SLC25A53: variants seen among roughly 807,000 people sequenced by gnomAD.
SLC25A53 encodes the protein mitochondrial carrier triple repeat protein 6.
Under a neutral mutation model 15.0 loss-of-function variants are expected in SLC25A53, and 5 were observed. The observed-to-expected ratio is 0.33, with a 90% CI of 0.17 to 0.70. SLC25A53 has a LOEUF of 0.70. Ranked by LOEUF, SLC25A53 falls within the 30% of genes least tolerant of loss-of-function variation. SLC25A53 has a pLI of 0.67. For synonymous variants in SLC25A53, 95 were observed against 100.0 expected (o/e 0.95, Z 0.30); for missense variants, 216 against 241.6 (o/e 0.89, Z 0.70).
intron 1 of SLC25A53, among the ~76,000 whole-genome samples, chrX:104,136,922 TTAAACATG>T (rs2075438065): frequency 8.9e-6 from 1 of 111,914 alleles, no homozygotes; most frequent in Non-Finnish European, 1.9e-5. Context: ...ATGTAAAGAA[TTAAACATG>T]TACACAGAGA....
At chrX:104,145,775 T>C (rs944127802) in intron 1 of SLC25A53, among the ~76,000 whole-genome samples, 23 of 112,064 alleles carry the variant, frequency 2.1e-4, no homozygotes, top group African/African-American at 5.8e-4. Flanking sequence ...GTAGAATCTC[T>C]GAATAGACCA....
chrX:104,143,725 A>G (rs1218239074), intron 1 of SLC25A53, among the ~76,000 whole-genome samples: 2 of 111,922 alleles, frequency 1.8e-5, no homozygotes, highest in African/African-American at 3.2e-5. Flanking sequence ...AAGGCAGGCC[A>G]ACATTCAAAT....
At chrX:104,145,043 T>C (rs782400775) in intron 1 of SLC25A53, among the ~76,000 whole-genome samples, 9 of 112,024 alleles carry the variant, frequency 8.0e-5, no homozygotes, top group South Asian at 3.7e-4. Flanking sequence ...TATTCTAAGA[T>C]TGACCACATA....
At chrX:104,115,494 CCT>C (rs1239877197) in intron 1 of SLC25A53, 11 of 450,969 alleles carry the variant, frequency 2.4e-5, no homozygotes, top group Non-Finnish European at 3.4e-5. Flanking sequence ...AATGGTGTGA[CCT>C]CTGTCCCTGC....
chrX:104,150,224 C>T (rs2075480841), intron 1 of SLC25A53, among the ~76,000 whole-genome samples: 1 of 103,287 alleles, frequency 9.7e-6, no homozygotes, highest in African/African-American at 3.6e-5. Flanking sequence ...CAGAGCAAGA[C>T]TCTGTCTCAA....
At chrX:104,142,142 G>A (rs1280382853) in intron 1 of SLC25A53, among the ~76,000 whole-genome samples, 1 of 111,119 alleles carries the variant, frequency 9.0e-6, no homozygotes, top group African/African-American at 3.3e-5. Flanking sequence ...CTATTTGGGA[G>A]GCTGAGGTGG....
At chrX:104,135,893 C>T (rs1473169712) in intron 1 of SLC25A53, among the ~76,000 whole-genome samples, 1 of 111,836 alleles carries the variant, frequency 8.9e-6, no homozygotes, top group East Asian at 2.8e-4. Context: ...TAAATAACCA[C>T]TAATAACATG....
At position 104,104,753 on chromosome X, in the gene SLC25A53, G is replaced by T. The variant is rs782046940; in HGVS notation, c.505C>A (p.Arg169=). ...KEFNSYGLWG[R]LSLGYYRGFW... The stretch of plus-strand genomic sequence containing the variant: ...CCACGATAGTAGCCCAGTGACAGCC[G>T]CCCCCAAAGCCCATAAGAATTGAAT... The change falls in exon 2 of 2, where the codon CGG becomes AGG. Residue 169 remains arginine, a synonymous_variant. Coordinates refer to ENST00000594199, the MANE Select transcript of SLC25A53 (RefSeq NM_001012755.5). 5.0e-6 allele frequency: 6 copies of T among 1,209,327 alleles called. No homozygotes were observed. The highest frequency in any genetic ancestry group is 1.8e-5 in the African/African-American group (1 of 56,932).
intron 1 of SLC25A53, among the ~76,000 whole-genome samples, chrX:104,138,846 C>T (rs1377204466): frequency 9.0e-6 from 1 of 111,604 alleles, no homozygotes; most frequent in Non-Finnish European, 1.9e-5. Flanking sequence ...ACTGTCGATG[C>T]GTTCCTCTCC....
chrX:104,148,369 T>C (rs1233430444), intron 1 of SLC25A53, among the ~76,000 whole-genome samples: 21 of 107,440 alleles, frequency 2.0e-4, no homozygotes, highest in African/African-American at 6.5e-4. Flanking sequence ...AGTTAATGGG[T>C]GCAGCACACC....
chrX:104,127,391 T>C (rs1484289673), intron 1 of SLC25A53, among the ~76,000 whole-genome samples: 2 of 111,671 alleles, frequency 1.8e-5, no homozygotes, highest in Admixed American at 9.5e-5. Flanking sequence ...GGAGGTCCTA[T>C]TGAACAGTTT....
intron 1 of SLC25A53, among the ~76,000 whole-genome samples, chrX:104,121,922 T>TATATAG (rs1569462372): frequency 2.2e-5 from 1 of 45,366 alleles, no homozygotes; most frequent in African/African-American, 8.0e-5. Context: ...TATATATATA[T>TATATAG]ATATATATAT....
intron 1 of SLC25A53, among the ~76,000 whole-genome samples, chrX:104,131,944 G>A (rs1449862081): frequency 3.6e-5 from 4 of 111,395 alleles, no homozygotes; most frequent in Non-Finnish European, 7.5e-5. Flanking sequence ...TTTACCACCC[G>A]CCTAGATGCA....
chrX:104,151,679 C>T (rs2075485091), intron 1 of SLC25A53, among the ~76,000 whole-genome samples: 1 of 111,537 alleles, frequency 9.0e-6, no homozygotes, highest in Non-Finnish European at 1.9e-5. Context: ...CTGGAGTAAT[C>T]GCGTTTGCTG....
intron 1 of SLC25A53, among the ~76,000 whole-genome samples, chrX:104,127,440 A>C (rs1556364675): frequency 2.7e-5 from 3 of 111,729 alleles, no homozygotes; most frequent in Non-Finnish European, 3.8e-5. Context: ...AAATCTATAC[A>C]TGGGATAAGA....
chrX:104,126,143 T>C (rs374199441), intron 1 of SLC25A53, among the ~76,000 whole-genome samples: 5 of 108,165 alleles, frequency 4.6e-5, no homozygotes, highest in South Asian at 4.1e-4. Flanking sequence ...CCAGTCTCTA[T>C]ACAAAAAAAT....
At position 104,105,190 on chromosome X, in the gene SLC25A53, T is replaced by C; in HGVS notation, c.68A>G (p.Lys23Arg). The C allele has an allele frequency of 8.2e-7, 1 of 1,212,308 alleles. No individual in the cohort carries two copies. Residue 23 changes from lysine to arginine, a missense_variant, in exon 2 of 2, where the codon AAG becomes AGG. Coordinates refer to ENST00000594199, the MANE Select transcript of SLC25A53 (RefSeq NM_001012755.5). ...QHRTRAEAPG[K>R]KSWHSQAYAL... ...ATAGGCCTGGGAATGCCAGCTTTTC[T>C]TTCCTGGAGCCTCTGCTCGCGTCCT...
In SLC25A53 at chrX:104,108,495, CA is replaced by C. The variant is rs782492719; in HGVS notation, c.-31-3208del. On this transcript the variant is annotated intron_variant, in intron 1 of 1. Transcript: ENST00000594199. ...AACCAGATACAGGGGCATTTGGGAACAAATCTTCTGTTCCCAAGGGAGGCAG... is the reference window on the plus strand; with the variant it reads ...AACCAGATACAGGGGCATTTGGGAACAATCTTCTGTTCCCAAGGGAGGCAG... 4.5e-3 allele frequency among the ~76,000 whole-genome samples: 500 copies of C among 111,313 alleles called. 2 individuals are homozygous for C. The highest frequency in any genetic ancestry group is 7.1e-3 in the Non-Finnish European group (374 of 53,010).
At chrX:104,148,696 C>T (rs142161692) in intron 1 of SLC25A53, among the ~76,000 whole-genome samples, 61 of 106,809 alleles carry the variant, frequency 5.7e-4, no homozygotes, top group African/African-American at 1.8e-3. Context: ...GGTAGGAGGA[C>T]GGGGGAGGGA....
Sources: gnomAD v4.1 joint callset for allele counts (sites outside exome capture counted in the v4.1 genomes callset) on GRCh38, gnomAD v4.1.1 for gene constraint, MANE v1.5 for transcripts, NCBI Gene and HGNC (gene_info 2026-07-23, HGNC 2026-07-21) for gene names.